The following SYN3 variants were observed in gnomAD, a reference collection of about 807,000 sequenced individuals.
SYN3 encodes synapsin III.
Under a neutral mutation model 65.8 loss-of-function variants are expected in SYN3, and 35 were observed. That is an observed-to-expected ratio of 0.53 (90% CI 0.41 to 0.70). SYN3 has a LOEUF of 0.70. Ranked by LOEUF, SYN3 falls within the 30% of genes least tolerant of loss-of-function variation. The probability of loss-of-function intolerance (pLI) is 0.00; values close to 1 mark genes in which losing one functional copy is unlikely to be tolerated. For missense variants in SYN3, 680 were observed against 749.0 expected (o/e 0.91, Z 1.08); for synonymous variants, 270 against 292.9 (o/e 0.92, Z 0.80).
chr22:32,879,789 A>C (rs888894962), intron 4 of SYN3, among the ~76,000 whole-genome samples: 1 of 152,226 alleles, frequency 6.6e-6, no homozygotes, highest in Non-Finnish European at 1.5e-5. Context: ...TCCACATGGA[A>C]ATGGCTTCTC....
intron 6 of SYN3, among the ~76,000 whole-genome samples, chr22:32,779,810 C>A (rs1302320823): frequency 6.6e-6 from 1 of 152,112 alleles, no homozygotes; most frequent in Non-Finnish European, 1.5e-5. Flanking sequence ...GACTCCTCCA[C>A]GCTTTAGTAC....
At position 32,513,592 on chromosome 22, in the gene SYN3, C is replaced by T; in HGVS notation, c.*100G>A. ...CATTTAGAAAGTATGTTCTCAGGCC[C>T]TCCATTCTGTTCCCATCAGGAACCA... On this transcript the variant is annotated 3_prime_UTR_variant, in exon 14 of 14. Coordinates refer to ENST00000358763, the MANE Select transcript of SYN3 (RefSeq NM_003490.4). 1 of 1,456,080 alleles carries T rather than the reference C, an allele frequency of 6.9e-7. No homozygotes were observed. Among genetic ancestry groups the T allele is most frequent in the Non-Finnish European group, 9.3e-7 (1 of 1,071,976 alleles). The allele number at this position is 1,456,080 out of a possible 1,614,324, so 90.2% of individuals were successfully genotyped here. A position where few individuals can be genotyped will look rare whatever the true frequency, so the allele number is the denominator to read the frequency against.
At chr22:32,718,306 C>T (rs2061067111) in intron 6 of SYN3, among the ~76,000 whole-genome samples, 1 of 152,068 alleles carries the variant, frequency 6.6e-6, no homozygotes, top group Non-Finnish European at 1.5e-5. Flanking sequence ...TCCACCAAGT[C>T]CACCATGATC....
At chr22:32,875,532 C>T (rs1001623239) in intron 4 of SYN3, among the ~76,000 whole-genome samples, 1 of 152,116 alleles carries the variant, frequency 6.6e-6, no homozygotes, top group African/African-American at 2.4e-5. Context: ...GTGACTGTGA[C>T]CTTATTTGGA....
intron 6 of SYN3, among the ~76,000 whole-genome samples, chr22:32,631,650 T>G (rs1318451463): frequency 1.3e-5 from 2 of 152,214 alleles, no homozygotes; most frequent in East Asian, 3.9e-4. Context: ...TAATTACACC[T>G]TTTATTGAGA....
intron 6 of SYN3, among the ~76,000 whole-genome samples, chr22:32,794,729 G>T (rs1427315375): frequency 6.6e-6 from 1 of 152,182 alleles, no homozygotes; most frequent in Non-Finnish European, 1.5e-5. Context: ...GGAGGTGAGT[G>T]AGAGAAGAGG....
chr22:33,036,754 C>T (rs1428296527), intron 1 of SYN3, among the ~76,000 whole-genome samples: 1 of 147,546 alleles, frequency 6.8e-6, no homozygotes, highest in Non-Finnish European at 1.5e-5. Context: ...GGCAATGCCG[C>T]GATCTCGGCC....
chr22:32,561,193 T>TGCGGCCA (rs1781214833), intron 7 of SYN3, among the ~76,000 whole-genome samples: 1 of 152,184 alleles, frequency 6.6e-6, no homozygotes, highest in African/African-American at 2.4e-5. Flanking sequence ...GAATGTCACC[T>TGCGGCCA]GCGGCCAGCG....
rs115973516 is a variant in SYN3, at chr22:32,812,657, G to A, written c.711+52258C>T. Among the ~76,000 whole-genome samples the A allele has an allele frequency of 6.3e-3, 963 of 152,220 alleles. 12 individuals carry two copies. The highest frequency in any genetic ancestry group is 0.02 in the African/African-American group (844 of 41,524). On this transcript the variant is annotated intron_variant, in intron 6 of 13. Coordinates refer to ENST00000358763, the MANE Select transcript of SYN3 (RefSeq NM_003490.4). ...CTCTGGAAAATGTGGTTCATGGCTC[G>A]GCTCAAACATTTTCTGTTGCTGAGA...
chr22:32,692,168 A>T (rs1398958692), intron 6 of SYN3, among the ~76,000 whole-genome samples: 6 of 141,350 alleles, frequency 4.2e-5, no homozygotes. Flanking sequence ...AAAAAAAAAA[A>T]AAAAAAAACA....
At chr22:32,767,357 T>C (rs1981799139) in intron 6 of SYN3, among the ~76,000 whole-genome samples, 3 of 151,096 alleles carry the variant, frequency 2.0e-5, no homozygotes, top group African/African-American at 7.3e-5. Flanking sequence ...TTTCCTAGGA[T>C]TGCTCCTTCA....
chr22:32,697,458 G>T (rs566545198), intron 6 of SYN3, among the ~76,000 whole-genome samples: 1 of 152,266 alleles, frequency 6.6e-6, no homozygotes, highest in South Asian at 2.1e-4. Context: ...TTCAATTCTA[G>T]GCATGTAAGA....
At chr22:33,028,578 G>A (rs780288000) in intron 1 of SYN3, among the ~76,000 whole-genome samples, 4 of 151,516 alleles carry the variant, frequency 2.6e-5, no homozygotes, top group Non-Finnish European at 5.9e-5. Flanking sequence ...TTGCTGGGCA[G>A]AGGAAGGGAT....
chr22:32,510,982 GGCGT>G lies in SYN3; in HGVS notation c.*2706_*2709del, dbSNP rs1394441873. On this transcript the variant is annotated 3_prime_UTR_variant, in exon 14 of 14. Coordinates refer to ENST00000358763, the MANE Select transcript of SYN3 (RefSeq NM_003490.4). ...TTTGTCAATTCCAAGTTATTGTCCA[GGCGT>G]GTGTGTGTGTGTGTGTGTGTGTGTG... Among the ~76,000 whole-genome samples the G allele has an allele frequency of 6.8e-5, 7 of 102,300 alleles. No individual in the cohort carries two copies. Among genetic ancestry groups the G allele is most frequent in the African/African-American group, 3.1e-4 (7 of 22,946 alleles). 67.1% of individuals were successfully genotyped at this position (102,300 alleles called of 152,430 possible).
At chr22:32,869,330 T>TTCTCTCCCTCTCTCTC (rs2048776900) in intron 4 of SYN3, among the ~76,000 whole-genome samples, 2 of 120,932 alleles carry the variant, frequency 1.7e-5, no homozygotes, top group African/African-American at 5.8e-5. Flanking sequence ...ACTATATATA[T>TTCTCTCCCTCTCTCTC]TCTCTCTCTC....
intron 1 of SYN3, among the ~76,000 whole-genome samples, chr22:33,055,271 G>C (rs1216146075): frequency 6.6e-6 from 1 of 152,310 alleles, no homozygotes; most frequent in East Asian, 1.9e-4. Flanking sequence ...TGTAAGCTCA[G>C]CATGGCCTCC....
At chr22:32,552,005 C>G (rs1201092466) in intron 7 of SYN3, among the ~76,000 whole-genome samples, 3 of 152,170 alleles carry the variant, frequency 2.0e-5, no homozygotes, top group Non-Finnish European at 4.4e-5. Context: ...AATCCCAGCA[C>G]TTTGGGAGGC....
intron 3 of SYN3, among the ~76,000 whole-genome samples, chr22:32,949,846 G>A (rs974565101): frequency 3.3e-5 from 5 of 152,172 alleles, no homozygotes; most frequent in Admixed American, 6.5e-5. Context: ...AGACATGGAC[G>A]TGGATGACTG....
At chr22:32,734,176 C>T (rs2061306834) in intron 6 of SYN3, among the ~76,000 whole-genome samples, 1 of 152,146 alleles carries the variant, frequency 6.6e-6, no homozygotes, top group Non-Finnish European at 1.5e-5. Flanking sequence ...GCTTGGAGGC[C>T]TCTTTGCATG....
Sources: gnomAD v4.1 joint callset for allele counts (sites outside exome capture counted in the v4.1 genomes callset) on GRCh38, gnomAD v4.1.1 for gene constraint, MANE v1.5 for transcripts, NCBI Gene and HGNC (gene_info 2026-07-23, HGNC 2026-07-21) for gene names.